The following GEN1 variants were observed in gnomAD, a reference collection of about 807,000 sequenced individuals.
The protein encoded by GEN1 is flap endonuclease GEN homolog 1.
A neutral mutation model predicts 67.6 loss-of-function variants in GEN1; 64 were observed. The observed-to-expected ratio is 0.95, with a 90% CI of 0.77 to 1.17. GEN1 has a LOEUF of 1.17. GEN1 is among the 50% of genes most tolerant of loss of function. The pLI, the probability that GEN1 is intolerant of heterozygous loss-of-function variation, is 0.00. For synonymous variants in GEN1, 371 were observed against 359.4 expected (o/e 1.03, Z -0.37); for missense variants, 1,058 against 1,048.3 (o/e 1.01, Z -0.13).
Position 17,761,512 on chromosome 2 carries a change from G to A in GEN1, c.278G>A (p.Arg93Gln), listed in dbSNP as rs777769429. 8.1e-6 allele frequency: 13 copies of A among 1,613,202 alleles called. No individual in the cohort carries two copies. The highest frequency in any genetic ancestry group is 1.1e-5 in the South Asian group (1 of 90,958). Residue 93 changes from arginine (R) to glutamine (Q), a missense_variant, in exon 3 of 14, where the codon CGG becomes CAG. Physicochemically the swap from Arg to Gln is conservative, Grantham distance 43 (BLOSUM62 1). Transcript: ENST00000381254. The part of the protein sequence containing the change: ...ADVISKRNQS[R>Q]YGSSGKSWSQ... ...GTCATAAGCAAGAGGAATCAGTCTC[G>A]GTATGGGTCTTCTGGAAAATCGTGG...
rs1325736590 is a variant in GEN1 at position 17,784,405 on chromosome 2, T to C, written c.*2466T>C. The C allele has an allele frequency of 6.6e-6, 1 of 152,210 alleles. No homozygotes were observed. The highest frequency in any genetic ancestry group is 1.5e-5 in the Non-Finnish European group (1 of 68,034). 9.4% of individuals were successfully genotyped at this position (152,210 alleles called of 1,614,324 possible). A position where few individuals can be genotyped will look rare whatever the true frequency, so the allele number is the denominator to read the frequency against. ...AGCCACTTTGGAAAAAGTCTGGTAG[T>C]TCTTCAAATGGTTAAATGTAGAGTT... On this transcript the variant is annotated 3_prime_UTR_variant, in exon 14 of 14. Transcript: ENST00000381254.
At chr2:17,777,872 G>T in intron 11 of GEN1, 130 bp from the exon 12 acceptor site, 2 of 540,656 alleles carry the variant, frequency 3.7e-6, no homozygotes, top group Non-Finnish European at 7.0e-6. Flanking sequence ...CTAGTCAAAG[G>T]AATAGGCAGT....
chr2:17,773,209 T>G lies in GEN1; in HGVS notation c.991-10T>G. 1.9e-6 allele frequency: 3 copies of G among 1,590,616 alleles called. No homozygotes were observed. The highest frequency in any genetic ancestry group is 2.6e-6 in the Non-Finnish European group (3 of 1,163,908). On this transcript the variant is annotated splice_polypyrimidine_tract_variant and intron_variant, in intron 9 of 13. Transcript: ENST00000381254. ...TAAATCTCAGTTTCTATTTTCTTTT[T>G]TCTTGCTAGGTTATTCAAGAATTCC...
rs1572389666 is a variant in GEN1 at position 17,759,936 on chromosome 2, T to G, written c.-8T>G. On this transcript the variant is annotated 5_prime_UTR_variant, in exon 2 of 14. Coordinates refer to ENST00000381254, the MANE Select transcript of GEN1 (RefSeq NM_001130009.3). ...GTGTGTTTCACATAACAGCAGATAA[T>G]CACCAGAATGGGAGTGAATGACTTG... 6.2e-7 allele frequency: 1 copy of G among 1,613,258 alleles called. No individual in the cohort carries two copies. Among genetic ancestry groups the G allele is most frequent in the Middle Eastern group, 1.7e-4 (1 of 6,052 alleles).
intron 3 of GEN1, among the ~76,000 whole-genome samples, chr2:17,764,009 A>T (rs1184969183): frequency 6.6e-6 from 1 of 152,232 alleles, no homozygotes; most frequent in Non-Finnish European, 1.5e-5. Flanking sequence ...ATAGAGAATG[A>T]TACATGACAA....
chr2:17,770,688 TAAGA>T (rs1416563646), intron 6 of GEN1, among the ~76,000 whole-genome samples: 1 of 152,090 alleles, frequency 6.6e-6, no homozygotes, highest in African/African-American at 2.4e-5. Context: ...CACAAGAGAT[TAAGA>T]AATGATTATT....
intron 11 of GEN1, among the ~76,000 whole-genome samples, chr2:17,775,668 C>G (rs1190830856): frequency 6.6e-6 from 1 of 152,132 alleles, no homozygotes; most frequent in African/African-American, 2.4e-5. Context: ...AAGTACCGCT[C>G]TACAGATTAA....
chr2:17,765,095 T>G (rs1671862892), intron 4 of GEN1, 22 bp downstream of exon 4: 7 of 1,610,220 alleles, frequency 4.3e-6, no homozygotes, highest in Non-Finnish European at 5.9e-6. Flanking sequence ...CTTTCTCTTT[T>G]TCAGCATTTG....
At chr2:17,774,084 G>A (rs1047135165) in intron 10 of GEN1, among the ~76,000 whole-genome samples, 187 bp from the exon 11 acceptor site, 1 of 152,006 alleles carries the variant, frequency 6.6e-6, no homozygotes, top group African/African-American at 2.4e-5. Flanking sequence ...TTCAAACCGA[G>A]AGCCTTCACT....
intron 3 of GEN1, among the ~76,000 whole-genome samples, chr2:17,764,464 T>C (rs1671828704): frequency 6.6e-6 from 1 of 152,246 alleles, no homozygotes; most frequent in South Asian, 2.1e-4. Flanking sequence ...TAATTAACAT[T>C]AAAATCTTAA....
chr2:17,755,469 G>A (rs2125112449), intron 1 of GEN1: 1 of 152,214 alleles, frequency 6.6e-6, no homozygotes, highest in East Asian at 1.9e-4. Flanking sequence ...ATTGATAAAC[G>A]TGAAGTATGC....
chr2:17,773,332 A>G (rs1672281846), intron 10 of GEN1, 33 bp downstream of exon 10: 1 of 1,296,144 alleles, frequency 7.7e-7, no homozygotes, highest in East Asian at 2.3e-5. Context: ...TTACTGTATG[A>G]AGTTATATGC....
rs1673043673 is a variant in GEN1 at position 17,785,956 on chromosome 2, ACT to A, written c.*4020_*4021del. 6.6e-6 allele frequency: 1 copy of A among 151,526 alleles called. No individual in the cohort carries two copies. Among genetic ancestry groups the A allele is most frequent in the African/African-American group, 2.4e-5 (1 of 41,204 alleles). The allele number at this position is 151,526 out of a possible 1,614,324, so 9.4% of individuals were successfully genotyped here. A position where few individuals can be genotyped will look rare whatever the true frequency, so the allele number is the denominator to read the frequency against. ...CCGTCTTCTAGATTTTATAATGAGGACTCTACTTTTTCCTTTTGGGTAGCATG... is the reference window on the plus strand; with the variant it reads ...CCGTCTTCTAGATTTTATAATGAGGACTACTTTTTCCTTTTGGGTAGCATG... On this transcript the variant is annotated 3_prime_UTR_variant, in exon 14 of 14. Transcript: ENST00000381254.
chr2:17,765,680 T>C (rs985028507), intron 4 of GEN1, among the ~76,000 whole-genome samples: 5 of 152,150 alleles, frequency 3.3e-5, no homozygotes, highest in Non-Finnish European at 7.3e-5. Context: ...AGCACCCCCA[T>C]TGAGAAACAC....
At position 17,784,752 on chromosome 2, in the gene GEN1, G is replaced by A. The variant is rs1234223323; in HGVS notation, c.*2813G>A. On this transcript the variant is annotated 3_prime_UTR_variant, in exon 14 of 14. Coordinates refer to ENST00000381254, the MANE Select transcript of GEN1 (RefSeq NM_001130009.3). ...GGTTCTGCTTATTCTGATTTGTTCA[G>A]TCGTGGCTGTGATAGTTCAGGACCA... 2 of 152,190 alleles carry A rather than the reference G, an allele frequency of 1.3e-5. No homozygotes were observed. The highest frequency in any genetic ancestry group is 1.3e-4 in the Admixed American group (2 of 15,282). 9.4% of individuals were successfully genotyped at this position (152,190 alleles called of 1,614,324 possible).
At position 17,786,192 on chromosome 2, in the gene GEN1, C is replaced by T. The variant is rs796499611; in HGVS notation, c.*4253C>T. On this transcript the variant is annotated 3_prime_UTR_variant, in exon 14 of 14. Transcript: ENST00000381254. ...TGTGAAGTCACTGCCACCATTGACA[C>T]ATTCTAGGGACTCAGTAAATTGTAG... 9 of 152,352 alleles carry T rather than the reference C, an allele frequency of 5.9e-5. No individual in the cohort carries two copies. Among genetic ancestry groups the T allele is most frequent in the South Asian group, 2.1e-4 (1 of 4,826 alleles). 9.4% of individuals were successfully genotyped at this position (152,352 alleles called of 1,614,324 possible). A position where few individuals can be genotyped will look rare whatever the true frequency, so the allele number is the denominator to read the frequency against.
In GEN1 at chr2:17,774,304, C is replaced by T; in HGVS notation, c.1105C>T (p.His369Tyr). 1.3e-6 allele frequency: 2 copies of T among 1,587,770 alleles called. No homozygotes were observed. Among genetic ancestry groups the T allele is most frequent in the Non-Finnish European group, 1.7e-6 (2 of 1,161,020 alleles). The change falls in exon 11 of 14, where the codon CAC (histidine) becomes TAC (tyrosine). Residue 369 changes from histidine (H) to tyrosine (Y), a missense_variant. His to Tyr is a moderately conservative substitution (Grantham distance 83, BLOSUM62 2). Coordinates refer to ENST00000381254, the MANE Select transcript of GEN1 (RefSeq NM_001130009.3). ...TCTTGAAAAAATGGAGTGGCCCAAT[C>T]ACTATGCATGTGAGAAATTGCTGGT... The part of the protein sequence containing the change: ...FTLEKMEWPN[H>Y]YACEKLLVLL...
intron 10 of GEN1, among the ~76,000 whole-genome samples, chr2:17,773,799 G>A (rs536181602): frequency 6.6e-6 from 1 of 152,070 alleles, no homozygotes; most frequent in East Asian, 1.9e-4. Flanking sequence ...ATAGTGGCTA[G>A]GGACACGGAG....
chr2:17,765,052 G>A lies in GEN1; in HGVS notation c.504G>A (p.Arg168=). ...TTTATGGGGCCCAGACTGTTTACAG[G>A]AATTTCACTATGAATACAAAGGTGT... ...TFLYGAQTVY[R]NFTMNTKDPH... Residue 168 remains arginine (R), a synonymous_variant, in exon 4 of 14, where the codon AGG becomes AGA. Coordinates refer to ENST00000381254, the MANE Select transcript of GEN1 (RefSeq NM_001130009.3). 1 of 1,613,988 alleles carries A rather than the reference G, an allele frequency of 6.2e-7. No homozygotes were observed. Among genetic ancestry groups the A allele is most frequent in the Non-Finnish European group, 8.5e-7 (1 of 1,179,982 alleles).
Sources: allele counts gnomAD v4.1 joint callset (sites outside exome capture counted in the v4.1 genomes callset), GRCh38; gene constraint gnomAD v4.1.1; transcripts MANE v1.5; gene names NCBI Gene and HGNC (gene_info 2026-07-23, HGNC 2026-07-21).